LIMCH1: variants seen among roughly 807,000 people sequenced by gnomAD.
LIMCH1 encodes the protein LIM and calponin homology domains 1, also known as LIM and calponin homology domains-containing protein 1.
Under a neutral mutation model 176.5 loss-of-function variants are expected in LIMCH1, and 113 were observed. The observed-to-expected ratio is 0.64, with a 90% confidence interval of 0.55 to 0.75. The LOEUF is 0.75. LIMCH1 is among the 30% of genes least tolerant of loss of function. The probability of loss-of-function intolerance (pLI) is 0.00; values close to 1 mark genes in which losing one functional copy is unlikely to be tolerated. For missense variants in LIMCH1, 1,674 were observed against 1,814.9 expected, an observed-to-expected ratio of 0.92 and a Z score of 1.41; for synonymous variants, 619 against 645.9, an observed-to-expected ratio of 0.96 and a Z score of 0.63.
intron 1 of LIMCH1, among the ~76,000 whole-genome samples, chr4:41,361,760 GC>G (rs369619271): frequency 2.2e-4 from 34 of 152,306 alleles, no homozygotes; most frequent in African/African-American, 7.9e-4. Context: ...CAGCTTGGTA[GC>G]CCCGAGCTCC....
At chr4:41,583,359 C>T (rs1435319187) in intron 1 of LIMCH1, among the ~76,000 whole-genome samples, 2 of 152,126 alleles carry the variant, frequency 1.3e-5, no homozygotes, top group Non-Finnish European at 2.9e-5. Context: ...CCATGGTGAC[C>T]TTTTTCTCAG....
chr4:41,646,360 A>G, intron 16 of LIMCH1, 80 bp downstream of exon 16: 13 of 1,520,484 alleles, frequency 8.5e-6, no homozygotes, highest in Middle Eastern at 1.9e-4. Flanking sequence ...GGCTGTCACA[A>G]AGGTTCTGAT....
At chr4:41,619,001 T>C (rs1398839738) in intron 5 of LIMCH1, among the ~76,000 whole-genome samples, 187 bp from the exon 6 acceptor site, 2 of 152,292 alleles carry the variant, frequency 1.3e-5, no homozygotes, top group African/African-American at 2.4e-5. Flanking sequence ...CTGATTTTTT[T>C]CCTTCTTTTC....
chr4:41,404,478 T>A (rs1238912428), intron 1 of LIMCH1, among the ~76,000 whole-genome samples: 3 of 152,022 alleles, frequency 2.0e-5, no homozygotes, highest in Admixed American at 6.6e-5. Context: ...TATTTTCTTT[T>A]AAAAAAATTG....
intron 3 of LIMCH1, among the ~76,000 whole-genome samples, chr4:41,532,956 A>C (rs2077487176): frequency 6.6e-6 from 1 of 152,202 alleles, no homozygotes; most frequent in Admixed American, 6.5e-5. Context: ...ACAAGGCTGC[A>C]TTCAAGGTGT....
intron 1 of LIMCH1, among the ~76,000 whole-genome samples, chr4:41,549,629 A>T (rs906047156): frequency 9.9e-5 from 15 of 152,220 alleles, no homozygotes; most frequent in Admixed American, 8.5e-4. Context: ...AGCGTATGAC[A>T]GAGCTGGGGA....
intron 1 of LIMCH1, among the ~76,000 whole-genome samples, chr4:41,446,942 G>C (rs972525493): frequency 3.9e-5 from 6 of 152,148 alleles, no homozygotes; most frequent in Admixed American, 6.6e-5. Flanking sequence ...TTTATTCAAT[G>C]GGCCAGGTGT....
intron 1 of LIMCH1, among the ~76,000 whole-genome samples, chr4:41,578,826 C>T (rs1390321052): frequency 6.6e-6 from 1 of 151,882 alleles, no homozygotes; most frequent in South Asian, 2.1e-4. Flanking sequence ...CTCAAGTGAC[C>T]CAGTAGCTAG....
At chr4:41,613,724 G>A (rs1294284253) in intron 5 of LIMCH1, 63 bp downstream of exon 5, 31 of 1,405,124 alleles carry the variant, frequency 2.2e-5, no homozygotes, top group Non-Finnish European at 2.7e-5. Context: ...GCTGCATTGC[G>A]CCTGGCAGAG....
chr4:41,593,506 A>T (rs1401887739), intron 1 of LIMCH1, among the ~76,000 whole-genome samples: 1 of 152,142 alleles, frequency 6.6e-6, no homozygotes, highest in Non-Finnish European at 1.5e-5. Flanking sequence ...TGTGGAATAG[A>T]TTTTTACCAA....
intron 18 of LIMCH1, among the ~76,000 whole-genome samples, chr4:41,654,438 ATGT>A (rs2094406495): frequency 6.6e-6 from 1 of 152,122 alleles, no homozygotes; most frequent in South Asian, 2.1e-4. Context: ...CTAAACTATG[ATGT>A]TTGGTAAGTT....
At position 41,360,971 on chromosome 4, in the gene LIMCH1, G is replaced by T. The variant is rs756238486; in HGVS notation, c.96+35G>T. 1 of 1,492,650 alleles carries T rather than the reference G, an allele frequency of 6.7e-7. No individual in the cohort carries two copies. The highest frequency in any genetic ancestry group is 9.1e-7 in the Non-Finnish European group (1 of 1,104,394). The allele number at this position is 1,492,650 out of a possible 1,614,324, so 92.5% of individuals were successfully genotyped here. A position where few individuals can be genotyped will look rare whatever the true frequency, so the allele number is the denominator to read the frequency against. ...GGTGGCTGGCGGGCGGCCTTGCACT[G>T]GCGCCCTGAGCCACGGACCCGCGCA... On this transcript the variant is annotated intron_variant, in intron 1 of 26. Coordinates refer to the LIMCH1 transcript ENST00000313860. This position sits in a 1 kb window ranked among gnomAD's most constrained non-coding sequence, Gnocchi z 4.5.
At chr4:41,553,958 G>A (rs1257907771) in intron 1 of LIMCH1, among the ~76,000 whole-genome samples, 1 of 152,136 alleles carries the variant, frequency 6.6e-6, no homozygotes, top group East Asian at 1.9e-4. Context: ...GTAGTATTAG[G>A]CCAGAGCAAG....
At chr4:41,592,305 G>A (rs1020181090) in intron 1 of LIMCH1, among the ~76,000 whole-genome samples, 3 of 152,170 alleles carry the variant, frequency 2.0e-5, no homozygotes, top group Non-Finnish European at 2.9e-5. Context: ...CACCATGCAA[G>A]GATTTATTTC....
intron 18 of LIMCH1, among the ~76,000 whole-genome samples, chr4:41,656,233 A>C (rs1337045901): frequency 6.6e-6 from 1 of 152,140 alleles, no homozygotes; most frequent in Non-Finnish European, 1.5e-5. Context: ...GAAACATTGC[A>C]TTTTGCAGTG....
chr4:41,619,352 C>G lies in LIMCH1; in HGVS notation c.370C>G (p.Pro124Ala). ...CAATCAGACGGCCTACGTCCCCGCG[C>G]CTCTGAGAAAGAAGAAAGCAGAGAG... ...KSNQTAYVPA[P>A]LRKKKAEREE... The change falls in exon 6 of 32, where the codon CCT becomes GCT. Residue 124 changes from proline to alanine, a missense_variant. Transcript: ENST00000503057. 1 of 1,614,162 alleles carries G rather than the reference C, an allele frequency of 6.2e-7. No individual in the cohort carries two copies. Among genetic ancestry groups the G allele is most frequent in the Admixed American group, 1.7e-5 (1 of 60,030 alleles).
At chr4:41,376,634 T>A (rs938542595) in intron 1 of LIMCH1, among the ~76,000 whole-genome samples, 11 of 152,170 alleles carry the variant, frequency 7.2e-5, no homozygotes, top group African/African-American at 2.4e-4. Flanking sequence ...GGATATAACT[T>A]CTTTTAAAGA....
chr4:41,449,727 T>A (rs2063657441), intron 1 of LIMCH1, among the ~76,000 whole-genome samples: 1 of 152,182 alleles, frequency 6.6e-6, no homozygotes, highest in Non-Finnish European at 1.5e-5. Flanking sequence ...CATTAAAGCT[T>A]ATTGATTGGG....
In LIMCH1 at chr4:41,364,052, T is replaced by A. The variant is rs540988754; in HGVS notation, c.96+3116T>A. 2.8e-4 allele frequency among the ~76,000 whole-genome samples: 43 copies of A among 152,328 alleles called. No homozygotes were observed. In the South Asian group the frequency reaches 8.7e-3, roughly 31 times the overall value. The stretch of plus-strand genomic sequence containing the variant: ...CTGTTACTTTGTAGCTGGATGACCC[T>A]GAGCAAGCTACTTTTCCTTTACTGT... On this transcript the variant is annotated intron_variant, in intron 1 of 26. Transcript: ENST00000313860.
Sources: allele counts gnomAD v4.1 joint callset (sites outside exome capture counted in the v4.1 genomes callset), GRCh38; gene constraint gnomAD v4.1.1; non-coding constraint Gnocchi (gnomAD v3.1); transcripts MANE v1.5; gene names NCBI Gene and HGNC (gene_info 2026-07-23, HGNC 2026-07-21).